PWP1: variants seen among roughly 807,000 people sequenced by gnomAD.
PWP1 encodes PWP1 homolog, endonuclein.
In PWP1, 47 loss-of-function variants were observed where a neutral mutation model predicts 69.9. That is an observed-to-expected ratio of 0.67 (90% CI 0.53 to 0.86). PWP1 has a LOEUF of 0.86. PWP1 is among the 40% of genes least tolerant of loss of function. PWP1 has a pLI of 0.00. For synonymous variants in PWP1, 222 were observed against 208.2 expected, an observed-to-expected ratio of 1.07 and a Z score of -0.57; for missense variants, 551 against 608.8, an observed-to-expected ratio of 0.91 and a Z score of 1.00.
intron 13 of PWP1, among the ~76,000 whole-genome samples, chr12:107,710,024 CAA>C (rs770568941): frequency 6.6e-6 from 1 of 151,946 alleles, no homozygotes; most frequent in Non-Finnish European, 1.5e-5. Flanking sequence ...AAAAAGAAAA[CAA>C]AGTTTAAAAA....
At chr12:107,689,395 C>T (rs1047742386) in intron 3 of PWP1, among the ~76,000 whole-genome samples, 9 of 152,054 alleles carry the variant, frequency 5.9e-5, no homozygotes, top group Admixed American at 6.6e-5. Flanking sequence ...GGAATGTATC[C>T]CCCGTGGATA....
At chr12:107,688,397 A>G in intron 1 of PWP1, 51 bp from the exon 2 acceptor site, 1 of 1,509,168 alleles carries the variant, frequency 6.6e-7, no homozygotes. Flanking sequence ...AATTCAAATA[A>G]TTTGATGATT....
chr12:107,686,480 C>T (rs376608975), intron 1 of PWP1, among the ~76,000 whole-genome samples: 1 of 152,128 alleles, frequency 6.6e-6, no homozygotes, highest in African/African-American at 2.4e-5. Context: ...GAATTTCTTG[C>T]AGTAATCCAA....
intron 8 of PWP1, among the ~76,000 whole-genome samples, chr12:107,702,649 AATCTGTAGATCAGTTTATAGCTCC>A (rs1889736117): frequency 6.6e-6 from 1 of 152,194 alleles, no homozygotes; most frequent in Non-Finnish European, 1.5e-5. Context: ...AGATTGGTTG[AATCTGTAGATCAGTTTATAGCTCC>A]ATCTGTAGAT....
In PWP1 at chr12:107,699,405, C is replaced by T. The variant is rs767380669; in HGVS notation, c.777C>T (p.Val259=). 1 of 1,613,218 alleles carries T rather than the reference C, an allele frequency of 6.2e-7. No individual in the cohort carries two copies. The highest frequency in any genetic ancestry group is 8.5e-7 in the Non-Finnish European group (1 of 1,179,360). Residue 259 remains valine, a synonymous_variant, in exon 8 of 15, where the codon GTC becomes GTT. Transcript: ENST00000412830. ...SSSAEGHTDA[V]LDLSWNKLIR... is the part of the protein sequence containing the mutation. ...CAGCAGAAGGGCATACCGATGCTGT[C>T]CTTGACCTTTCATGGAATAAGCTAA...
intron 3 of PWP1, among the ~76,000 whole-genome samples, chr12:107,691,208 T>C (rs1179423250): frequency 6.6e-6 from 1 of 152,166 alleles, no homozygotes; most frequent in Non-Finnish European, 1.5e-5. Flanking sequence ...CTTGACCTGA[T>C]GTATGTGATG....
At chr12:107,690,803 T>C (rs1013677122) in intron 3 of PWP1, among the ~76,000 whole-genome samples, 6 of 152,272 alleles carry the variant, frequency 3.9e-5, no homozygotes, top group African/African-American at 1.4e-4. Flanking sequence ...AATTCAAGGT[T>C]CGTGATGCCC....
chr12:107,687,946 G>A (rs186532348), intron 1 of PWP1, among the ~76,000 whole-genome samples: 248 of 148,146 alleles, frequency 1.7e-3, no homozygotes, highest in Non-Finnish European at 3.0e-3. Flanking sequence ...CAGGAGAATC[G>A]CTTGAACCCG....
chr12:107,701,671 C>T (rs958368429), intron 8 of PWP1, among the ~76,000 whole-genome samples: 1 of 151,672 alleles, frequency 6.6e-6, no homozygotes, highest in Admixed American at 6.6e-5. Flanking sequence ...TCATTTGTCC[C>T]TGAACCATTT....
intron 14 of PWP1, among the ~76,000 whole-genome samples, chr12:107,711,693 C>T (rs1889956366): frequency 6.6e-6 from 1 of 152,140 alleles, no homozygotes; most frequent in African/African-American, 2.4e-5. Context: ...CCTGCATCCT[C>T]CCTCCCATGC....
chr12:107,704,748 G>A lies in PWP1; in HGVS notation c.1077+1G>A, dbSNP rs775940406. The A allele has an allele frequency of 7.4e-6, 12 of 1,611,136 alleles. No homozygotes were observed. The highest frequency in any genetic ancestry group is 1.0e-5 in the Non-Finnish European group (12 of 1,177,370). On this transcript the variant is annotated splice_donor_variant, in intron 11 of 14. Transcript: ENST00000412830. LOFTEE classifies it high-confidence loss of function. ...TCACTTTTCACCTTGTCATTTCTTG[G>A]TAAGAGTACGAATGTTGTTGTTTTG... is the stretch of plus-strand genomic sequence containing the variant.
intron 8 of PWP1, among the ~76,000 whole-genome samples, chr12:107,702,263 C>CTAA (rs1433337526): frequency 6.6e-6 from 1 of 151,192 alleles, no homozygotes; most frequent in Non-Finnish European, 1.5e-5. Context: ...AAGTCTAATA[C>CTAA]TAATAATAGT....
intron 3 of PWP1, among the ~76,000 whole-genome samples, chr12:107,689,677 C>T (rs1379972699): frequency 2.0e-5 from 3 of 152,054 alleles, no homozygotes; most frequent in Non-Finnish European, 2.9e-5. Flanking sequence ...ACCTGGGAGG[C>T]GGAGGTTGCA....
chr12:107,699,637 C>T (rs948961980), intron 8 of PWP1, among the ~76,000 whole-genome samples: 2 of 152,096 alleles, frequency 1.3e-5, no homozygotes, highest in African/African-American at 4.8e-5. Flanking sequence ...ACTGTGGGTG[C>T]TCATTGCATG....
In PWP1 at chr12:107,709,128, C is replaced by T. The variant is rs372119910; in HGVS notation, c.1186C>T (p.Gln396Ter). 48 of 1,613,732 alleles carry T rather than the reference C, an allele frequency of 3.0e-5. No individual in the cohort carries two copies. The highest frequency in any genetic ancestry group is 4.0e-5 in the Non-Finnish European group (47 of 1,179,914). ...TCCTTTAGGTCTTGATCTTAGCAGT[C>T]AAATCAAGGGCTGTCTCGTGACTGC... is the stretch of plus-strand genomic sequence containing the variant. ...DEISGLDLSS[Q>*]IKGCLVTASA... The change falls in exon 13 of 15, where the codon CAA becomes TAA. Residue 396 changes from glutamine (Q) to a stop codon, truncating the protein, a stop_gained. Transcript: ENST00000412830. LOFTEE classifies it high-confidence loss of function.
chr12:107,692,752 A>G (rs1181467172), intron 3 of PWP1, 62 bp from the exon 4 acceptor site: 2 of 1,371,738 alleles, frequency 1.5e-6, no homozygotes, highest in Non-Finnish European at 2.0e-6. Context: ...TGGATGTCAT[A>G]GGAAATATGT....
intron 14 of PWP1, 28 bp downstream of exon 14, chr12:107,710,538 T>G: frequency 9.1e-6 from 7 of 765,772 alleles, no homozygotes; most frequent in East Asian, 3.8e-5. Context: ...TCTGCACACC[T>G]CCCCCTGCCC....
At position 107,685,864 on chromosome 12, in the gene PWP1, T is replaced by G; in HGVS notation, c.-36T>G. On this transcript the variant is annotated 5_prime_UTR_variant, in exon 1 of 15. Transcript: ENST00000412830. ...GGTCGTGGTCCCTCCCTATGCAGCC[T>G]GGTTTCTAGCGTGACACGCCCTTGA... The G allele has an allele frequency of 1.2e-6, 2 of 1,612,312 alleles. No individual in the cohort carries two copies. The highest frequency in any genetic ancestry group is 1.7e-6 in the Non-Finnish European group (2 of 1,178,820).
At chr12:107,702,338 T>C (rs186447723) in intron 8 of PWP1, among the ~76,000 whole-genome samples, 32 of 152,280 alleles carry the variant, frequency 2.1e-4, no homozygotes, top group Non-Finnish European at 3.4e-4. Context: ...TGGAGTCCAG[T>C]GACGTGATCT....
Sources: allele counts gnomAD v4.1 joint callset (sites outside exome capture counted in the v4.1 genomes callset), GRCh38; gene constraint gnomAD v4.1.1; transcripts MANE v1.5; gene names NCBI Gene and HGNC (gene_info 2026-07-23, HGNC 2026-07-21).